CFAP69: variants seen among roughly 807,000 people sequenced by gnomAD.
The protein encoded by CFAP69 is cilia and flagella associated protein 69.
CFAP69 carries 92 observed loss-of-function variants against 123.0 expected under a neutral mutation model. The ratio of observed to expected loss-of-function variants is 0.75; its 90% confidence interval spans 0.63 to 0.89. The LOEUF (loss-of-function observed/expected upper bound fraction) is 0.89, where lower values mean the gene tolerates loss of function less well. Ranked by LOEUF, CFAP69 falls within the 40% of genes least tolerant of loss-of-function variation. CFAP69 has a pLI of 0.00. For synonymous variants in CFAP69, 380 were observed against 364.3 expected (o/e 1.04, Z -0.49); for missense variants, 1,067 against 1,096.9 (o/e 0.97, Z 0.39).
At chr7:90,258,247 C>T (rs1797888002) in intron 3 of CFAP69, 84 bp downstream of exon 3, 1 of 930,966 alleles carries the variant, frequency 1.1e-6, no homozygotes, top group Non-Finnish European at 1.6e-6. Flanking sequence ...TTTTCCATTG[C>T]TGTTGTAACA....
chr7:90,286,324 A>C lies in CFAP69; in HGVS notation c.1581A>C (p.Glu527Asp), dbSNP rs1416851805. ...TAAGCAAGCCTAATGAAAAGGAAGA[A>C]GCCATTGTTTTGGAAATCCAGTCTG... The part of the protein sequence containing the change: ...NIISKPNEKE[E>D]AIVLEIQSDI... The change falls in exon 14 of 23, where the codon GAA (glutamate) becomes GAC (aspartate). Residue 527 changes from glutamate (E) to aspartate (D), a missense_variant. Transcript: ENST00000389297. 1 of 1,608,540 alleles carries C rather than the reference A, an allele frequency of 6.2e-7. No homozygotes were observed. Among genetic ancestry groups the C allele is most frequent in the Non-Finnish European group, 8.5e-7 (1 of 1,176,528 alleles).
chr7:90,295,090 C>T (rs1429344709), intron 15 of CFAP69, among the ~76,000 whole-genome samples: 2 of 152,274 alleles, frequency 1.3e-5, no homozygotes, highest in Non-Finnish European at 1.5e-5. Context: ...AAAAAGCTTC[C>T]TCTGTCCCAC....
intron 18 of CFAP69, 128 bp downstream of exon 18, chr7:90,304,234 G>A (rs1035011858): frequency 4.3e-6 from 6 of 1,387,918 alleles, no homozygotes; most frequent in Non-Finnish European, 5.6e-6. Flanking sequence ...ATTTTCCATT[G>A]TTACCCCAAT....
rs1285339540 is a variant in CFAP69, at chr7:90,259,282, G to C, written c.246+1119G>C. ...CAAATAGCCAGGTGTGGTGGTGTGT[G>C]CCCATATTCCTAGCTACTGGGAAGG... On this transcript the variant is annotated intron_variant, in intron 3 of 22. Coordinates refer to ENST00000389297, the MANE Select transcript of CFAP69 (RefSeq NM_001039706.3). Among the ~76,000 whole-genome samples, 4 of 151,994 alleles carry C rather than the reference G, an allele frequency of 2.6e-5. No homozygotes were observed. In the East Asian group the frequency reaches 7.7e-4, roughly 29 times the overall value.
At chr7:90,319,200 G>A in the CFAP69 span, 2 of 389,654 alleles carry the variant, frequency 5.1e-6, no homozygotes, top group African/African-American at 2.1e-5. Context: ...AATGTAAAAT[G>A]AGTAAAAATG....
the CFAP69 span, chr7:90,318,894 T>G: frequency 6.6e-6 from 1 of 152,488 alleles, no homozygotes; most frequent in Admixed American, 6.5e-5. Context: ...TACTCTCATT[T>G]TGTAAAATCT....
chr7:90,296,753 G>A lies in CFAP69; in HGVS notation c.1776-996G>A, dbSNP rs566302546. On this transcript the variant is annotated intron_variant, in intron 15 of 22. Transcript: ENST00000389297. ...CATAAGGTGTGCATTGGTTTGATTC[G>A]GAAAGGAAAGGCAACTCAAAGCAGG... is the stretch of plus-strand genomic sequence containing the variant. Among the ~76,000 whole-genome samples the A allele has an allele frequency of 9.2e-5, 14 of 152,264 alleles. No individual in the cohort carries two copies. In the East Asian group the frequency reaches 1.2e-3, roughly 13 times the overall value.
rs191283840 is a variant in CFAP69 at position 90,267,294 on chromosome 7, C to A, written c.434-992C>A. On this transcript the variant is annotated intron_variant, in intron 5 of 22. Coordinates refer to ENST00000389297, the MANE Select transcript of CFAP69 (RefSeq NM_001039706.3). The stretch of plus-strand genomic sequence containing the variant: ...TTCCACTTGCCACCCCACTTGCTGA[C>A]CACCTCCAGAGATGAGCGTCTTGCA... 1.1e-4 allele frequency among the ~76,000 whole-genome samples: 17 copies of A among 152,312 alleles called. No homozygotes were observed. The East Asian group carries it at 3.1e-3, about 28-fold the overall frequency.
the CFAP69 span, chr7:90,319,603 C>T: frequency 1.8e-5 from 7 of 398,440 alleles, no homozygotes; most frequent in Non-Finnish European, 8.8e-6. Flanking sequence ...GCAAGCTTTC[C>T]AGCACTGGAG....
At chr7:90,299,648 T>C (rs1226784077) in intron 16 of CFAP69, among the ~76,000 whole-genome samples, 1 of 152,158 alleles carries the variant, frequency 6.6e-6, no homozygotes, top group African/African-American at 2.4e-5. Flanking sequence ...TTATAATGAC[T>C]TCAGAATTAT....
At chr7:90,280,060 A>G (rs1789235970) in intron 12 of CFAP69, among the ~76,000 whole-genome samples, 167 bp downstream of exon 12, 1 of 152,252 alleles carries the variant, frequency 6.6e-6, no homozygotes, top group Non-Finnish European at 1.5e-5. Context: ...AAAAACACAG[A>G]TTTTAAAGTC....
At chr7:90,291,873 A>G (rs924880794) in intron 15 of CFAP69, among the ~76,000 whole-genome samples, 5 of 152,180 alleles carry the variant, frequency 3.3e-5, no homozygotes, top group African/African-American at 1.2e-4. Flanking sequence ...TAGAATATCA[A>G]TTCTGGTTTT....
At chr7:90,309,962 C>G (rs1291492945) in intron 22 of CFAP69, 106 bp from the exon 23 acceptor site, 6 of 863,080 alleles carry the variant, frequency 7.0e-6, no homozygotes, top group Non-Finnish European at 1.1e-5. Context: ...CCTAGTTATT[C>G]ATTACATTTG....
At position 90,304,124 on chromosome 7, in the gene CFAP69, A is replaced by C. The variant is rs1793208861; in HGVS notation, c.2188+18A>C. 6.5e-7 allele frequency: 1 copy of C among 1,542,450 alleles called. No individual in the cohort carries two copies. Among genetic ancestry groups the C allele is most frequent in the African/African-American group, 1.4e-5 (1 of 72,616 alleles). On this transcript the variant is annotated intron_variant, in intron 18 of 22. Coordinates refer to ENST00000389297, the MANE Select transcript of CFAP69 (RefSeq NM_001039706.3). ...CAAACTAGGTAAGAAGTTCTCTTCA[A>C]ATTTGCAAGAGTCTGTTTTGCTAAG...
rs540547060 is a variant in CFAP69, at chr7:90,260,312, G to A, written c.247-1635G>A. Among the ~76,000 whole-genome samples the A allele has an allele frequency of 8.6e-5, 13 of 152,014 alleles. 1 individual carries two copies. The highest frequency in any genetic ancestry group is 7.9e-4 in the Admixed American group (12 of 15,248). ...AGTCTGAGGCAGGAGGATCATTTGA[G>A]GCCAGGAGTTTGAAACCAGCCTGGG... On this transcript the variant is annotated intron_variant, in intron 3 of 22. Coordinates refer to ENST00000389297, the MANE Select transcript of CFAP69 (RefSeq NM_001039706.3).
chr7:90,297,547 A>C (rs1264908679), intron 15 of CFAP69, among the ~76,000 whole-genome samples: 1 of 152,240 alleles, frequency 6.6e-6, no homozygotes, highest in African/African-American at 2.4e-5. Flanking sequence ...AAGAATGGAT[A>C]TTGATTTTTA....
rs990462353 is a variant in CFAP69, at chr7:90,310,368, A to C, written c.*130A>C. The C allele has an allele frequency of 6.7e-6, 3 of 450,122 alleles. No homozygotes were observed. The highest frequency in any genetic ancestry group is 1.1e-5 in the Non-Finnish European group (3 of 279,324). 27.9% of individuals were successfully genotyped at this position (450,122 alleles called of 1,614,324 possible). On this transcript the variant is annotated 3_prime_UTR_variant, in exon 23 of 23. Coordinates refer to ENST00000389297, the MANE Select transcript of CFAP69 (RefSeq NM_001039706.3). ...AAATATTTTAGTAAAATACTATAAA[A>C]ATAAAAGGACATATAATTTATTTTT...
chr7:90,314,527 G>C (rs1395277269), downstream of CFAP69, among the ~76,000 whole-genome samples: 1 of 151,800 alleles, frequency 6.6e-6, no homozygotes, highest in African/African-American at 2.4e-5. Flanking sequence ...TATTTGGGAG[G>C]CTGAGATAGG....
At chr7:90,292,248 A>T (rs1791315205) in intron 15 of CFAP69, among the ~76,000 whole-genome samples, 1 of 152,158 alleles carries the variant, frequency 6.6e-6, no homozygotes, top group South Asian at 2.1e-4. Context: ...ATGGGTTTGT[A>T]CCCTCACATA....
Sources: gnomAD v4.1 joint callset for allele counts (sites outside exome capture counted in the v4.1 genomes callset) on GRCh38, gnomAD v4.1.1 for gene constraint, MANE v1.5 for transcripts, NCBI Gene and HGNC (gene_info 2026-07-23, HGNC 2026-07-21) for gene names.